DUSP13B: variants seen among roughly 807,000 people sequenced by gnomAD.
DUSP13B encodes dual specificity phosphatase 13B.
At chr10:75,108,584 A>T in the DUSP13B span, among the ~76,000 whole-genome samples, 1 of 152,064 alleles carries the variant, frequency 6.6e-6, no homozygotes, top group East Asian at 1.9e-4. Context: ...CCTGCTTCTA[A>T]CCTACAAATG....
At chr10:75,097,965 A>G in the DUSP13B span, 11 of 1,330,166 alleles carry the variant, frequency 8.3e-6, no homozygotes, top group South Asian at 1.1e-4. Flanking sequence ...CCCATGGTGC[A>G]GTGCCTAGGT....
chr10:75,103,592 A>C, the DUSP13B span, among the ~76,000 whole-genome samples: 3 of 152,188 alleles, frequency 2.0e-5, no homozygotes, highest in Non-Finnish European at 4.4e-5. Flanking sequence ...GACCTTTGTC[A>C]TACACACATA....
the DUSP13B span, chr10:75,108,032 AGAG>A: frequency 7.4e-6 from 12 of 1,613,636 alleles, no homozygotes; most frequent in Admixed American, 6.7e-5. Flanking sequence ...AGTCAGCCGC[AGAG>A]GAGAAGTAGG....
chr10:75,100,093 G>A, the DUSP13B span, among the ~76,000 whole-genome samples: 8 of 152,236 alleles, frequency 5.3e-5, no homozygotes, highest in Non-Finnish European at 1.0e-4. Flanking sequence ...TCAGGCCTGC[G>A]GAGCTTGGCA....
At chr10:75,095,727 C>G in the DUSP13B span, 7 of 1,614,222 alleles carry the variant, frequency 4.3e-6, no homozygotes, top group Non-Finnish European at 5.9e-6. Flanking sequence ...CTGGAACTTG[C>G]CTGCAGCGGC....
the DUSP13B span, chr10:75,099,397 C>T: frequency 8.1e-7 from 1 of 1,232,394 alleles, no homozygotes; most frequent in African/African-American, 1.5e-5. Flanking sequence ...CCACTGTGAC[C>T]TCTCCAGGTG....
chr10:75,099,343 G>A, the DUSP13B span: 1 of 1,232,268 alleles, frequency 8.1e-7, no homozygotes, highest in Non-Finnish European at 1.0e-6. Flanking sequence ...GTGGGAGGCT[G>A]TCGGGCAAGG....
the DUSP13B span, among the ~76,000 whole-genome samples, chr10:75,096,987 A>G: frequency 6.6e-6 from 1 of 152,350 alleles, no homozygotes; most frequent in South Asian, 2.1e-4. Flanking sequence ...TTCCACTCAT[A>G]TCATTTTAAA....
the DUSP13B span, among the ~76,000 whole-genome samples, chr10:75,103,346 C>T: frequency 6.6e-6 from 1 of 152,348 alleles, no homozygotes; most frequent in South Asian, 2.1e-4. Flanking sequence ...CAGGCCCACA[C>T]ACAGACACAG....
At chr10:75,105,620 T>G in the DUSP13B span, 1 of 1,529,630 alleles carries the variant, frequency 6.5e-7, no homozygotes, top group South Asian at 1.2e-5. Flanking sequence ...ACCTGGCCTC[T>G]TCCGGCCAAC....
At chr10:75,096,470 G>A in the DUSP13B span, among the ~76,000 whole-genome samples, 1 of 151,844 alleles carries the variant, frequency 6.6e-6, no homozygotes, top group African/African-American at 2.4e-5. Context: ...CCAGCTACTT[G>A]GGAGGCTGAG....
chr10:75,108,413 CG>C, the DUSP13B span: 1 of 917,862 alleles, frequency 1.1e-6, no homozygotes, highest in Non-Finnish European at 1.6e-6. Flanking sequence ...GTGTGTGTGT[CG>C]GGGGATCTTT....
At chr10:75,101,233 A>C in the DUSP13B span, among the ~76,000 whole-genome samples, 3 of 152,178 alleles carry the variant, frequency 2.0e-5, no homozygotes, top group African/African-American at 7.2e-5. Flanking sequence ...TCTTGTCTTC[A>C]CCAAGCCAGT....
the DUSP13B span, among the ~76,000 whole-genome samples, chr10:75,097,412 G>A: frequency 1.3e-5 from 2 of 152,322 alleles, no homozygotes; most frequent in East Asian, 3.9e-4. Context: ...GTTTCACCAT[G>A]TTGGCCAGGC....
chr10:75,103,108 G>A, the DUSP13B span, among the ~76,000 whole-genome samples: 1 of 152,208 alleles, frequency 6.6e-6, no homozygotes. Flanking sequence ...CAACTGGAGT[G>A]AGACCCTCTC....
At chr10:75,102,392 G>A in the DUSP13B span, among the ~76,000 whole-genome samples, 1 of 152,062 alleles carries the variant, frequency 6.6e-6, no homozygotes, top group Non-Finnish European at 1.5e-5. Context: ...GCAGTGAGCC[G>A]AGATCGCGCC....
the DUSP13B span, among the ~76,000 whole-genome samples, chr10:75,102,273 G>A: frequency 1.2e-4 from 18 of 152,154 alleles, no homozygotes; most frequent in East Asian, 2.7e-3. Flanking sequence ...TCAGGAGATC[G>A]AGACCATCCT....
the DUSP13B span, chr10:75,105,832 C>T: frequency 1.4e-5 from 21 of 1,550,652 alleles, no homozygotes; most frequent in East Asian, 4.9e-5. Context: ...CGTGGCAGAG[C>T]GGCTCACGCC....
At chr10:75,103,623 T>G in the DUSP13B span, among the ~76,000 whole-genome samples, 1 of 152,204 alleles carries the variant, frequency 6.6e-6, no homozygotes, top group Non-Finnish European at 1.5e-5. Flanking sequence ...ACTCCCCGCT[T>G]GCACTCCCAG....
Sources: gnomAD v4.1 joint callset for allele counts (sites outside exome capture counted in the v4.1 genomes callset) on GRCh38, gnomAD v4.1.1 for gene constraint, MANE v1.5 for transcripts, NCBI Gene and HGNC (gene_info 2026-07-23, HGNC 2026-07-21) for gene names.